FHIP1A: variants seen among roughly 807,000 people sequenced by gnomAD.
The protein encoded by FHIP1A is FHF complex subunit HOOK interacting protein 1A, also known as FHF complex subunit HOOK-interacting protein 1A.
In FHIP1A, 61 loss-of-function variants were observed where a neutral mutation model predicts 88.6. The observed-to-expected ratio is 0.69, with a 90% CI of 0.56 to 0.85. The LOEUF (loss-of-function observed/expected upper bound fraction) is 0.85, where lower values mean the gene tolerates loss of function less well. Ranked by LOEUF, FHIP1A falls within the 40% of genes least tolerant of loss-of-function variation. The pLI is 0.00. For synonymous variants in FHIP1A, 478 were observed against 496.0 expected (o/e 0.96, Z 0.48); for missense variants, 1,154 against 1,273.5 (o/e 0.91, Z 1.43).
At chr4:151,554,069 C>T (rs1034595967) in intron 3 of FHIP1A, among the ~76,000 whole-genome samples, 7 of 152,156 alleles carry the variant, frequency 4.6e-5, no homozygotes, top group Admixed American at 2.0e-4. Context: ...ATCCAGTCCT[C>T]CCAGTCCTCT....
chr4:151,487,392 A>G (rs1730126672), intron 3 of FHIP1A, among the ~76,000 whole-genome samples: 3 of 151,360 alleles, frequency 2.0e-5, no homozygotes, highest in Admixed American at 2.0e-4. Flanking sequence ...CATCTCACCC[A>G]CATGTTCTTC....
At chr4:151,556,774 T>G (rs1157229144) in intron 3 of FHIP1A, among the ~76,000 whole-genome samples, 1 of 152,160 alleles carries the variant, frequency 6.6e-6, no homozygotes, top group Non-Finnish European at 1.5e-5. Context: ...TCTTCAGGAA[T>G]TATAGATGTA....
chr4:151,476,721 T>C (rs1729721564), intron 2 of FHIP1A, among the ~76,000 whole-genome samples: 1 of 152,126 alleles, frequency 6.6e-6, no homozygotes, highest in South Asian at 2.1e-4. Context: ...TTGCAAATAA[T>C]GGGAATATGT....
rs576601849 is a variant in FHIP1A at position 151,645,506 on chromosome 4, C to CT, written c.1227-1044dup. Among the ~76,000 whole-genome samples the CT allele has an allele frequency of 3.8e-4, 57 of 151,448 alleles. No homozygotes were observed. In the South Asian group the frequency reaches 7.6e-3, roughly 20 times the overall value. The stretch of plus-strand genomic sequence containing the variant: ...ATGTCCTGAAAGTCGTACTTTTTAT[C>CT]TTTTTTTTACAAAAACCTTAATCTT... On this transcript the variant is annotated intron_variant, in intron 9 of 13. Transcript: ENST00000435205.
At chr4:151,648,729 G>A (rs1326324968) in intron 10 of FHIP1A, among the ~76,000 whole-genome samples, 1 of 151,184 alleles carries the variant, frequency 6.6e-6, no homozygotes, top group African/African-American at 2.4e-5. Context: ...AGCACCTGCA[G>A]CCTACTAGAT....
At chr4:151,421,312 A>G (rs1050983059) in intron 1 of FHIP1A, among the ~76,000 whole-genome samples, 2 of 152,118 alleles carry the variant, frequency 1.3e-5, no homozygotes, top group African/African-American at 4.8e-5. Flanking sequence ...ATTGAATGTA[A>G]TTTTTGAGGG....
chr4:151,420,065 C>T lies in FHIP1A; in HGVS notation c.-356+10600C>T, dbSNP rs774427824. On this transcript the variant is annotated intron_variant, in intron 1 of 13. Transcript: ENST00000435205. Reference sequence around the variant, plus strand: ...GCAATAAACATACGTGTGCATGTGTCTTTATAGCAGCATGATTTATAGTCC... The same window carrying T: ...GCAATAAACATACGTGTGCATGTGTTTTTATAGCAGCATGATTTATAGTCC... 2.6e-3 allele frequency among the ~76,000 whole-genome samples: 15 copies of T among 5,734 alleles called. 2 individuals are homozygous for T. Among genetic ancestry groups the T allele is most frequent in the Non-Finnish European group, 4.9e-3 (12 of 2,426 alleles). The allele number at this position is 5,734 out of a possible 152,430, so 3.8% of individuals were successfully genotyped here.
At chr4:151,583,596 G>T (rs1458541454) in intron 5 of FHIP1A, among the ~76,000 whole-genome samples, 6 of 152,172 alleles carry the variant, frequency 3.9e-5, no homozygotes, top group Admixed American at 1.3e-4. Flanking sequence ...GTTATTCCCA[G>T]CTTTTTAGTC....
rs1276930616 is a variant in FHIP1A at position 151,566,287 on chromosome 4, A to G, written c.28A>G (p.Lys10Glu). The G allele has an allele frequency of 2.6e-6, 4 of 1,550,680 alleles. No homozygotes were observed. The highest frequency in any genetic ancestry group is 3.9e-5 in the Admixed American group (2 of 50,932). MMSSVSTESKLQQAVSLQGV... is the reference protein window; with the variant it reads MMSSVSTESELQQAVSLQGV... ...GATGTCATCGGTTTCGACAGAAAGC[A>G]AACTCCAGCAGGCTGTGAGCCTACA... is the stretch of plus-strand genomic sequence containing the variant. Residue 10 changes from lysine (K) to glutamate (E), a missense_variant, in exon 4 of 14, where the codon AAA becomes GAA. Coordinates refer to ENST00000435205, the MANE Select transcript of FHIP1A (RefSeq NM_001109977.3).
chr4:151,460,262 G>T (rs1279277703), intron 2 of FHIP1A, among the ~76,000 whole-genome samples: 1 of 152,002 alleles, frequency 6.6e-6, no homozygotes, highest in Non-Finnish European at 1.5e-5. Context: ...TGTGAGAGAG[G>T]TAAACATTTT....
chr4:151,425,452 C>T (rs918544774), intron 1 of FHIP1A, among the ~76,000 whole-genome samples: 1 of 151,992 alleles, frequency 6.6e-6, no homozygotes, highest in Non-Finnish European at 1.5e-5. Flanking sequence ...AATATAAAAT[C>T]ATGAATAATA....
At chr4:151,572,257 C>T (rs561513945) in intron 4 of FHIP1A, among the ~76,000 whole-genome samples, 1 of 152,264 alleles carries the variant, frequency 6.6e-6, no homozygotes, top group Non-Finnish European at 1.5e-5. Flanking sequence ...GTTGAAATGT[C>T]AGCAGCTCTC....
At chr4:151,568,298 G>C (rs1186515996) in intron 4 of FHIP1A, among the ~76,000 whole-genome samples, 2 of 152,192 alleles carry the variant, frequency 1.3e-5, no homozygotes, top group Non-Finnish European at 2.9e-5. Context: ...TGTCATAGGG[G>C]ATACTGTTTA....
In FHIP1A at chr4:151,488,127, T is replaced by C. The variant is rs958128797; in HGVS notation, c.-123+5479T>C. The stretch of plus-strand genomic sequence containing the variant: ...TGTTATGACTGGTGTATTCTGATCA[T>C]GACACTCCTCTGCATTCACCAGTGT... On this transcript the variant is annotated intron_variant, in intron 3 of 13. Transcript: ENST00000435205. 5.3e-5 allele frequency among the ~76,000 whole-genome samples: 8 copies of C among 152,346 alleles called. No homozygotes were observed. The East Asian group carries it at 1.5e-3, about 29-fold the overall frequency.
At position 151,629,817 on chromosome 4, in the gene FHIP1A, A is replaced by G. The variant is rs749326371; in HGVS notation, c.1094A>G (p.Glu365Gly). 43 of 1,551,390 alleles carry G rather than the reference A, an allele frequency of 2.8e-5. 2 individuals carry two copies. The South Asian group carries it at 4.9e-4, about 18-fold the overall frequency. ...CGTTTTATCCTATTGCACCAGCACG[A>G]GAATGTCCACATCCTAGACACTCTC... The part of the protein sequence containing the change: ...FLRFILLHQH[E>G]NVHILDTLTS... Residue 365 changes from glutamate to glycine, a missense_variant, in exon 8 of 14, where the codon GAG becomes GGG. Physicochemically the swap from Glu to Gly is moderately conservative, Grantham distance 98. Coordinates refer to ENST00000435205, the MANE Select transcript of FHIP1A (RefSeq NM_001109977.3).
intron 7 of FHIP1A, among the ~76,000 whole-genome samples, chr4:151,621,184 C>T (rs1015392686): frequency 2.0e-5 from 3 of 152,074 alleles, no homozygotes; most frequent in Non-Finnish European, 4.4e-5. Context: ...GGCTTGCTGT[C>T]CCCTCATTTT....
chr4:151,483,247 C>T (rs915745180), intron 3 of FHIP1A, among the ~76,000 whole-genome samples: 11 of 151,694 alleles, frequency 7.3e-5, no homozygotes, highest in African/African-American at 2.7e-4. Context: ...TAATCAGAAA[C>T]TTCCTTATTA....
At chr4:151,466,020 A>C (rs997344970) in intron 2 of FHIP1A, among the ~76,000 whole-genome samples, 3 of 152,172 alleles carry the variant, frequency 2.0e-5, no homozygotes, top group African/African-American at 7.2e-5. Flanking sequence ...GGGTATTCAT[A>C]TAGAAAGAGA....
At chr4:151,504,905 G>A (rs965056108) in intron 3 of FHIP1A, among the ~76,000 whole-genome samples, 3 of 152,124 alleles carry the variant, frequency 2.0e-5, no homozygotes, top group Non-Finnish European at 2.9e-5. Context: ...GGAGGGAGCC[G>A]CCGCGCCCAG....
Sources: allele counts gnomAD v4.1 joint callset (sites outside exome capture counted in the v4.1 genomes callset), GRCh38; gene constraint gnomAD v4.1.1; transcripts MANE v1.5; gene names NCBI Gene and HGNC (gene_info 2026-07-23, HGNC 2026-07-21).